Variants in UST observed in about 807,000 individuals in gnomAD.
The protein encoded by UST is uronyl 2-sulfotransferase, also known as chondroitin sulfate 2-O-sulfotransferase.
In UST, 21 loss-of-function variants were observed where a neutral mutation model predicts 45.6. That is an observed-to-expected ratio of 0.46 (90% confidence interval 0.33 to 0.66). UST has a LOEUF of 0.66. Among genes scored for constraint, UST ranks in the 30% least tolerant of loss-of-function variants. UST has a pLI of 0.02. For synonymous variants in UST, 215 were observed against 200.6 expected (o/e 1.07, Z -0.61); for missense variants, 463 against 512.4 (o/e 0.90, Z 0.93).
intron 1 of UST, among the ~76,000 whole-genome samples, chr6:148,794,999 A>G (rs965973910): frequency 6.6e-6 from 1 of 152,134 alleles, no homozygotes; most frequent in African/African-American, 2.4e-5. Context: ...CATACTAAAG[A>G]CTGACTCATG....
intron 7 of UST, among the ~76,000 whole-genome samples, chr6:149,037,404 G>T (rs1220521344): frequency 6.6e-6 from 1 of 152,138 alleles, no homozygotes; most frequent in African/African-American, 2.4e-5. Context: ...TGTTGTTAAA[G>T]CCCAGACTGA....
At chr6:148,856,113 T>C (rs980873475) in intron 1 of UST, among the ~76,000 whole-genome samples, 2 of 151,990 alleles carry the variant, frequency 1.3e-5, no homozygotes, top group Non-Finnish European at 2.9e-5. Context: ...ACCTCCTGGG[T>C]TCAAGCGATT....
At chr6:149,049,169 G>C (rs1008279922) in intron 7 of UST, among the ~76,000 whole-genome samples, 28 of 151,946 alleles carry the variant, frequency 1.8e-4, no homozygotes, top group African/African-American at 6.8e-4. Flanking sequence ...CCATTTCAAT[G>C]CTAGAAAAAA....
In UST at chr6:148,769,399, G is replaced by A. The variant is rs564354166; in HGVS notation, c.247+21722G>A. ...TTTCTTCTGTGAATTTGCCTTTAAC[G>A]GGATGTTTCATATCACAAGAGGCAG... On this transcript the variant is annotated intron_variant, in intron 1 of 7. Coordinates refer to ENST00000367463, the MANE Select transcript of UST (RefSeq NM_005715.3). Among the ~76,000 whole-genome samples the A allele has an allele frequency of 5.9e-5, 9 of 152,318 alleles. No homozygotes were observed. The South Asian group carries it at 1.5e-3, about 25-fold the overall frequency.
At chr6:148,928,000 G>A (rs1355212391) in intron 2 of UST, among the ~76,000 whole-genome samples, 1 of 152,224 alleles carries the variant, frequency 6.6e-6, no homozygotes, top group East Asian at 1.9e-4. Flanking sequence ...ACAGTCCCCA[G>A]TGAAGGCCTG....
chr6:148,784,015 T>G (rs1776691778), intron 1 of UST, among the ~76,000 whole-genome samples: 1 of 152,200 alleles, frequency 6.6e-6, no homozygotes. Context: ...TTTTCCCCAA[T>G]GTCAGTGATT....
At chr6:148,784,219 T>A (rs1776696841) in intron 1 of UST, among the ~76,000 whole-genome samples, 1 of 152,098 alleles carries the variant, frequency 6.6e-6, no homozygotes, top group African/African-American at 2.4e-5. Context: ...TATGAAAAAA[T>A]ATATTAAATT....
chr6:148,844,189 TTTTA>T (rs1312627553), intron 1 of UST, among the ~76,000 whole-genome samples: 4 of 152,212 alleles, frequency 2.6e-5, no homozygotes, highest in African/African-American at 9.7e-5. Context: ...TGAAAATAAC[TTTTA>T]TTTATTGTGC....
At chr6:148,875,541 G>A (rs565893466) in intron 1 of UST, among the ~76,000 whole-genome samples, 3 of 152,268 alleles carry the variant, frequency 2.0e-5, no homozygotes, top group South Asian at 2.1e-4. Flanking sequence ...GGTGGCTCAC[G>A]CCTGTAATCC....
At chr6:148,929,202 C>T (rs1042267474) in intron 2 of UST, among the ~76,000 whole-genome samples, 1 of 152,170 alleles carries the variant, frequency 6.6e-6, no homozygotes, top group Non-Finnish European at 1.5e-5. Context: ...ACAGCCTCCC[C>T]CTCTTTAGCA....
chr6:148,837,442 A>G (rs575413450), intron 1 of UST, among the ~76,000 whole-genome samples: 31 of 152,324 alleles, frequency 2.0e-4, no homozygotes, highest in African/African-American at 7.2e-4. Flanking sequence ...CAGGTTACTA[A>G]AAGGAGATGG....
In UST at chr6:148,972,699, C is replaced by G. The variant is rs778132658; in HGVS notation, c.681+8136C>G. 6.6e-5 allele frequency among the ~76,000 whole-genome samples: 10 copies of G among 152,402 alleles called. No individual in the cohort carries two copies. The South Asian group carries it at 8.3e-4, about 13-fold the overall frequency. On this transcript the variant is annotated intron_variant, in intron 5 of 7. Transcript: ENST00000367463. ...CCCTCGCTGTGAGTCAGCGGAGCTGCTGCAGCTGTGTCCCGCCGCTGGCGC... is the reference window on the plus strand; with the variant it reads ...CCCTCGCTGTGAGTCAGCGGAGCTGGTGCAGCTGTGTCCCGCCGCTGGCGC...
intron 1 of UST, among the ~76,000 whole-genome samples, chr6:148,836,791 C>T (rs1326317535): frequency 2.0e-5 from 3 of 152,164 alleles, no homozygotes; most frequent in African/African-American, 7.2e-5. Context: ...TCCAGGAGTA[C>T]ACAGGTGACC....
At chr6:148,923,227 T>A (rs1475202588) in intron 2 of UST, among the ~76,000 whole-genome samples, 1 of 152,264 alleles carries the variant, frequency 6.6e-6, no homozygotes, top group African/African-American at 2.4e-5. Flanking sequence ...ACTTTTGGGT[T>A]ATTATGAATA....
rs560884328 is a variant in UST at position 148,977,962 on chromosome 6, G to T, written c.681+13399G>T. Among the ~76,000 whole-genome samples the T allele has an allele frequency of 2.6e-5, 4 of 152,072 alleles. No homozygotes were observed. The South Asian group carries it at 8.3e-4, about 32-fold the overall frequency. On this transcript the variant is annotated intron_variant, in intron 5 of 7. Transcript: ENST00000367463. ...TCAGAACTTCTGTTATATCTCTCCAGAGTTTTAAAGTTTTCTTCATTTAGA... is the reference window on the plus strand; with the variant it reads ...TCAGAACTTCTGTTATATCTCTCCATAGTTTTAAAGTTTTCTTCATTTAGA...
chr6:148,877,568 CAGGGGTCGTGTATGAGTGCG>C (rs1562285782), intron 1 of UST, among the ~76,000 whole-genome samples: 1 of 76,978 alleles, frequency 1.3e-5, no homozygotes, highest in Admixed American at 1.5e-4. Context: ...TGTATGAGTG[CAGGGGTCGTGTATGAGTGCG>C]AGGGGTCGTG....
intron 2 of UST, among the ~76,000 whole-genome samples, chr6:148,888,470 A>C (rs575255733): frequency 6.6e-6 from 1 of 152,246 alleles, no homozygotes; most frequent in Non-Finnish European, 1.5e-5. Flanking sequence ...TCTGGATTCA[A>C]CACTGACGCT....
At chr6:149,059,321 A>G (rs1355355556) in intron 7 of UST, among the ~76,000 whole-genome samples, 1 of 152,242 alleles carries the variant, frequency 6.6e-6, no homozygotes, top group Non-Finnish European at 1.5e-5. Context: ...CGAAACCTCT[A>G]CAAGTGTCGG....
intron 1 of UST, among the ~76,000 whole-genome samples, chr6:148,831,071 G>A (rs190969758): frequency 0.022 from 3,272 of 150,006 alleles, 73 homozygotes; most frequent in East Asian, 0.093. Context: ...AAGAAAAGGG[G>A]GGGGTGGGAA....
Sources: allele counts gnomAD v4.1 joint callset (sites outside exome capture counted in the v4.1 genomes callset), GRCh38; gene constraint gnomAD v4.1.1; transcripts MANE v1.5; gene names NCBI Gene and HGNC (gene_info 2026-07-23, HGNC 2026-07-21).